Variants in NAT10 observed in about 807,000 individuals in gnomAD.
The protein encoded by NAT10 is N-acetyltransferase 10, also known as RNA cytidine acetyltransferase.
A neutral mutation model predicts 132.2 loss-of-function variants in NAT10; 109 were observed. The observed-to-expected ratio is 0.82, with a 90% confidence interval of 0.71 to 0.97. NAT10 has a LOEUF of 0.97. Ranked by LOEUF, NAT10 falls within the 50% of genes least tolerant of loss-of-function variation. NAT10 has a pLI of 0.00. For missense variants in NAT10, 1,184 were observed against 1,263.4 expected (o/e 0.94, Z 0.95); for synonymous variants, 479 against 478.0 (o/e 1.00, Z -0.03).
chr11:34,128,708 T>C (rs1378629976), intron 12 of NAT10, among the ~76,000 whole-genome samples: 3 of 152,126 alleles, frequency 2.0e-5, no homozygotes, highest in African/African-American at 4.8e-5. Context: ...TACTGTACTA[T>C]CTATCCATTT....
At position 34,135,177 on chromosome 11, in the gene NAT10, G is replaced by A. The variant is rs751959938; in HGVS notation, c.1914G>A (p.Met638Ile). Residue 638 changes from methionine (M) to isoleucine (I), a missense_variant and splice_region_variant, in exon 19 of 29, where the codon ATG (methionine) becomes ATA (isoleucine). Transcript: ENST00000257829. Reference protein sequence around the residue: ...RIAVHPDYQGMGYGSRALQLL... With the variant: ...RIAVHPDYQGIGYGSRALQLL... Reference sequence around the variant, plus strand: ...TTCCCCTTCACGTTTGCTCCTAGATGGGCTATGGCAGCCGTGCTCTGCAGC... The same window carrying A: ...TTCCCCTTCACGTTTGCTCCTAGATAGGCTATGGCAGCCGTGCTCTGCAGC... 1.2e-6 allele frequency: 2 copies of A among 1,613,544 alleles called. No homozygotes were observed. The highest frequency in any genetic ancestry group is 2.7e-5 in the African/African-American group (2 of 74,888).
At chr11:34,135,331 G>T (rs1438369058) in intron 19 of NAT10, 40 bp downstream of exon 19, 10 of 1,560,824 alleles carry the variant, frequency 6.4e-6, no homozygotes, top group South Asian at 1.1e-5. Context: ...CCTGGTTCTT[G>T]GGAGGATAAT....
intron 8 of NAT10, among the ~76,000 whole-genome samples, chr11:34,121,844 G>A (rs1851899085): frequency 2.4e-5 from 3 of 122,582 alleles, no homozygotes. Context: ...TGGTGACAGA[G>A]CGAGACTCTG....
chr11:34,123,687 A>C (rs1851935694), intron 9 of NAT10, 75 bp from the exon 10 acceptor site: 1 of 1,226,130 alleles, frequency 8.2e-7, no homozygotes, highest in African/African-American at 1.5e-5. Context: ...GCAAACAAAA[A>C]TATTTTCTTT....
chr11:34,122,736 T>G, intron 9 of NAT10, 144 bp downstream of exon 9: 1 of 1,151,512 alleles, frequency 8.7e-7, no homozygotes, highest in Non-Finnish European at 1.2e-6. Context: ...GGTCTTGATT[T>G]CCTGCCAGGA....
chr11:34,133,579 A>G (rs913445973), intron 16 of NAT10, among the ~76,000 whole-genome samples: 1 of 152,236 alleles, frequency 6.6e-6, no homozygotes, highest in African/African-American at 2.4e-5. Flanking sequence ...TAGGCAGTGT[A>G]TAAAACACTC....
At chr11:34,118,369 A>G (rs1351104801) in intron 7 of NAT10, 27 bp from the exon 8 acceptor site, 1 of 1,611,968 alleles carries the variant, frequency 6.2e-7, no homozygotes, top group Non-Finnish European at 8.5e-7. Flanking sequence ...ACAGTGACAG[A>G]CCTTCCCCTT....
chr11:34,136,749 C>CTGGG lies in NAT10; in HGVS notation c.2137_2138insGGGT (p.Tyr713TrpfsTer28), dbSNP rs758401917. 2.6e-5 allele frequency: 42 copies of CTGGG among 1,614,168 alleles called. No homozygotes were observed. The highest frequency in any genetic ancestry group is 3.5e-5 in the Non-Finnish European group (41 of 1,180,038). On this transcript the variant is annotated frameshift_variant, in exon 20 of 29. Coordinates refer to ENST00000257829, the MANE Select transcript of NAT10 (RefSeq NM_024662.3). LOFTEE classifies it high-confidence loss of function. ...AACGCCTGGATTACCTGGGTGTTTC[C>CTGGG]TATGGCTTGACCCCCAGGCTCCTCA...
In NAT10 at chr11:34,131,426, C is replaced by T. The variant is rs146685334; in HGVS notation, c.1415C>T (p.Ala472Val). 1.2e-6 allele frequency: 2 copies of T among 1,614,096 alleles called. No individual in the cohort carries two copies. Among genetic ancestry groups the T allele is most frequent in the East Asian group, 2.2e-5 (1 of 44,876 alleles). Residue 472 changes from alanine (A) to valine (V), a missense_variant, in exon 14 of 29, where the codon GCC (alanine) becomes GTC (valine). By Grantham distance (64) the Ala-to-Val change is moderately conservative (BLOSUM62 0). Coordinates refer to ENST00000257829, the MANE Select transcript of NAT10 (RefSeq NM_024662.3). ...EVSLQESIRYAPGDAVEKWLN... is the reference protein window; with the variant it reads ...EVSLQESIRYVPGDAVEKWLN... ...TCCCTCCAGGAGTCAATCCGATACG[C>T]CCCTGGGGATGCAGTGGAGAAGTGG...
intron 15 of NAT10, 140 bp downstream of exon 15, chr11:34,132,361 T>C: frequency 4.1e-6 from 3 of 737,172 alleles, no homozygotes. Flanking sequence ...CCACTGATCT[T>C]GCTGTGTGTA....
In NAT10 at chr11:34,115,832, T is replaced by C. The variant is rs1414038406; in HGVS notation, c.505T>C (p.Ser169Pro). 1 of 1,613,918 alleles carries C rather than the reference T, an allele frequency of 6.2e-7. No individual in the cohort carries two copies. The highest frequency in any genetic ancestry group is 2.2e-5 in the East Asian group (1 of 44,876). Residue 169 changes from serine (S) to proline (P), a missense_variant, in exon 6 of 29, where the codon TCC becomes CCC. By Grantham distance (74) the Ser-to-Pro change is moderately conservative. Coordinates refer to ENST00000257829, the MANE Select transcript of NAT10 (RefSeq NM_024662.3). ...QLYTVTMDVHSRYRTEAHQDV... is the reference protein window; with the variant it reads ...QLYTVTMDVHPRYRTEAHQDV... ...TGTCTTTCTTTGTTAGGATGTGCATTCCAGGTACAGAACTGAGGCCCATCA... is the reference window on the plus strand; with the variant it reads ...TGTCTTTCTTTGTTAGGATGTGCATCCCAGGTACAGAACTGAGGCCCATCA...
chr11:34,117,609 A>G (rs1851804160), intron 6 of NAT10, among the ~76,000 whole-genome samples: 2 of 152,242 alleles, frequency 1.3e-5, no homozygotes, highest in Non-Finnish European at 2.9e-5. Context: ...TACTGAATAC[A>G]ACAGAAGCCT....
At chr11:34,140,689 A>T in intron 24 of NAT10, 117 bp downstream of exon 24, 1 of 1,202,444 alleles carries the variant, frequency 8.3e-7, no homozygotes, top group East Asian at 2.6e-5. Context: ...CATACATCTG[A>T]TAGGTGGGTA....
chr11:34,138,667 T>C lies in NAT10; in HGVS notation c.2212-524T>C, dbSNP rs116801421. Among the ~76,000 whole-genome samples, 225 of 152,248 alleles carry C rather than the reference T, an allele frequency of 1.5e-3. 2 individuals carry two copies. Among genetic ancestry groups the C allele is most frequent in the African/African-American group, 5.2e-3 (218 of 41,526 alleles). On this transcript the variant is annotated intron_variant, in intron 21 of 28. Transcript: ENST00000257829. The stretch of plus-strand genomic sequence containing the variant: ...TGTTCATTTGTGACTTGGTGGTGTT[T>C]TTATGGTGTGGGGCTTTGTTGTTAT...
At chr11:34,109,675 G>A (rs1240248571) in intron 3 of NAT10, among the ~76,000 whole-genome samples, 2 of 152,156 alleles carry the variant, frequency 1.3e-5, no homozygotes, top group African/African-American at 4.8e-5. Context: ...AATACAATTT[G>A]GCACAAAGGG....
chr11:34,130,670 G>A (rs1852087901), intron 12 of NAT10, 143 bp from the exon 13 acceptor site: 1 of 1,100,518 alleles, frequency 9.1e-7, no homozygotes. Context: ...TGCCTGCTAT[G>A]CTGGAAGTTC....
At chr11:34,126,191 A>T (rs1314591750) in intron 11 of NAT10, among the ~76,000 whole-genome samples, 3 of 152,186 alleles carry the variant, frequency 2.0e-5, no homozygotes, top group African/African-American at 2.4e-5. Flanking sequence ...TGTCATTTAG[A>T]TTTTTGTTTT....
chr11:34,130,890 G>A lies in NAT10; in HGVS notation c.1322G>A (p.Ser441Asn), dbSNP rs772967034. The change falls in exon 13 of 29, where the codon AGC (serine) becomes AAC (asparagine). Residue 441 changes from serine (S) to asparagine (N), a missense_variant. By Grantham distance (46) the Ser-to-Asn change is conservative. Coordinates refer to ENST00000257829, the MANE Select transcript of NAT10 (RefSeq NM_024662.3). ...CAACAGAGCGCCCAGAGCCAGGTCA[G>A]CACCACTGCTGAGAATAAGACCACG... ...LRQQSAQSQVSTTAENKTTTT... is the reference protein window; with the variant it reads ...LRQQSAQSQVNTTAENKTTTT... 6.2e-7 allele frequency: 1 copy of A among 1,614,218 alleles called. No homozygotes were observed. The highest frequency in any genetic ancestry group is 1.1e-5 in the South Asian group (1 of 91,084).
At chr11:34,116,214 A>G (rs557847075) in intron 6 of NAT10, among the ~76,000 whole-genome samples, 2 of 152,312 alleles carry the variant, frequency 1.3e-5, no homozygotes, top group African/African-American at 4.8e-5. Context: ...TTCATAGAGC[A>G]GTAGTCTTTC....
Sources: gnomAD v4.1 joint callset for allele counts (sites outside exome capture counted in the v4.1 genomes callset) on GRCh38, gnomAD v4.1.1 for gene constraint, MANE v1.5 for transcripts, NCBI Gene and HGNC (gene_info 2026-07-23, HGNC 2026-07-21) for gene names.